Variants in RGS12 observed in about 807,000 individuals in gnomAD.
The protein encoded by RGS12 is regulator of G protein signaling 12, also known as regulator of G-protein signaling 12.
Under a neutral mutation model 120.1 loss-of-function variants are expected in RGS12, and 66 were observed. The observed-to-expected ratio is 0.55, with a 90% CI of 0.45 to 0.67. The LOEUF (loss-of-function observed/expected upper bound fraction) is 0.67, where lower values mean the gene tolerates loss of function less well. Ranked by LOEUF, RGS12 falls within the 30% of genes least tolerant of loss-of-function variation. The pLI is 0.00. For missense variants in RGS12, 1,859 were observed against 1,957.7 expected, an observed-to-expected ratio of 0.95 and a Z score of 0.95; for synonymous variants, 827 against 804.7, an observed-to-expected ratio of 1.03 and a Z score of -0.47.
chr4:3,425,203 G>A (rs1723481293), intron 13 of RGS12, among the ~76,000 whole-genome samples: 2 of 152,160 alleles, frequency 1.3e-5, no homozygotes, highest in Admixed American at 6.5e-5. Context: ...GAGGGTCAGT[G>A]TTCCCCTTGT....
At chr4:3,415,062 GA>G (rs1243103963) in intron 6 of RGS12, among the ~76,000 whole-genome samples, 5 of 148,806 alleles carry the variant, frequency 3.4e-5, no homozygotes, top group Admixed American at 6.7e-5. Context: ...ACCTGTGTGT[GA>G]GGGGCGTGTG....
At chr4:3,439,158 C>T (rs1385259818) in intron 17 of RGS12, among the ~76,000 whole-genome samples, 1 of 152,038 alleles carries the variant, frequency 6.6e-6, no homozygotes, top group Admixed American at 6.5e-5. Context: ...GCCGGGGGCC[C>T]AGCTCTGTTC....
intron 3 of RGS12, among the ~76,000 whole-genome samples, chr4:3,362,469 TGAGG>T (rs1715682398): frequency 7.7e-6 from 1 of 130,400 alleles, no homozygotes; most frequent in East Asian, 2.4e-4. Context: ...AGGGTGTGTG[TGAGG>T]GTGTGTGTAT....
intron 17 of RGS12, among the ~76,000 whole-genome samples, chr4:3,434,826 G>A (rs1001734338): frequency 6.6e-6 from 1 of 152,230 alleles, no homozygotes; most frequent in Non-Finnish European, 1.5e-5. Flanking sequence ...GGAGCTGGGT[G>A]GTCTCACTGC....
chr4:3,310,798 CG>C (rs1318469163), intron 1 of RGS12, among the ~76,000 whole-genome samples: 2 of 152,042 alleles, frequency 1.3e-5, no homozygotes, highest in Non-Finnish European at 2.9e-5. Flanking sequence ...CAGGCGCCTG[CG>C]GGGGCAGGTC....
intron 3 of RGS12, among the ~76,000 whole-genome samples, chr4:3,345,037 A>G (rs1713664836): frequency 1.3e-5 from 2 of 152,240 alleles, no homozygotes; most frequent in African/African-American, 2.4e-5. Context: ...AGGCATTGCA[A>G]TGAGAATATG....
intron 17 of RGS12, chr4:3,431,592 T>C: frequency 1.0e-6 from 1 of 985,520 alleles, no homozygotes; most frequent in Non-Finnish European, 1.2e-6. Context: ...GTGAACAGGA[T>C]GGCCTGGCAG....
At chr4:3,407,784 A>G (rs1325174023) in intron 4 of RGS12, among the ~76,000 whole-genome samples, 1 of 152,208 alleles carries the variant, frequency 6.6e-6, no homozygotes, top group Non-Finnish European at 1.5e-5. Flanking sequence ...TGAGATAACA[A>G]CGGGCCCGGG....
chr4:3,316,745 A>C lies in RGS12; in HGVS notation c.575A>C (p.Asn192Thr), dbSNP rs1421281381. ...GAAAGTATAAATAATCCAAATCCCA[A>C]CATGCTTTCTAAGGAGGAAATATCA... is the stretch of plus-strand genomic sequence containing the variant. ...GHESINNPNP[N>T]MLSKEEISKV... The change falls in exon 2 of 18, where the codon AAC becomes ACC. Residue 192 changes from asparagine (N) to threonine (T), a missense_variant. Around this residue, in one of 3 missense-constraint regions of RGS12, gnomAD observed 967 missense variants for 994.2 expected, o/e 0.97. Transcript: ENST00000336727. 6.2e-7 allele frequency: 1 copy of C among 1,614,244 alleles called. No individual in the cohort carries two copies. Among genetic ancestry groups the C allele is most frequent in the Non-Finnish European group, 8.5e-7 (1 of 1,180,048 alleles).
At chr4:3,423,423 G>T in intron 12 of RGS12, 92 bp from the exon 13 acceptor site, 1 of 1,533,008 alleles carries the variant, frequency 6.5e-7, no homozygotes, top group East Asian at 2.3e-5. Context: ...CCTTGAGGGC[G>T]GCCTGGGGCT....
At chr4:3,326,944 G>A (rs6841189) in intron 2 of RGS12, among the ~76,000 whole-genome samples, 5,972 of 152,136 alleles carry the variant, frequency 0.039, 308 homozygotes, top group African/African-American at 0.12. Context: ...AATTTTTCAC[G>A]GAAGTAGAAA....
rs1415185607 is a variant in RGS12, at chr4:3,437,391, C to T, written c.4115-2064C>T. Among the ~76,000 whole-genome samples, 3 of 152,186 alleles carry T rather than the reference C, an allele frequency of 2.0e-5. No individual in the cohort carries two copies. In the East Asian group the frequency reaches 5.8e-4, roughly 29 times the overall value. ...GGCGGGGTAGAGCCGGGCTTCTGGACATGTGTGGTGTTGCAGGCCCCTTCA... is the reference window on the plus strand; with the variant it reads ...GGCGGGGTAGAGCCGGGCTTCTGGATATGTGTGGTGTTGCAGGCCCCTTCA... On this transcript the variant is annotated intron_variant, in intron 17 of 17. Transcript: ENST00000336727.
rs190048216 is a variant in RGS12 at position 3,355,845 on chromosome 4, G to A, written c.1998+12792G>A. ...AAAAAGAAGAAAAAGAAATTCCAAA[G>A]TATCTGTAGATCAGTTATTAAAATG... On this transcript the variant is annotated intron_variant, in intron 3 of 17. Coordinates refer to ENST00000336727, the MANE Select transcript of RGS12 (RefSeq NM_001394154.1). 1.3e-3 allele frequency among the ~76,000 whole-genome samples: 170 copies of A among 135,674 alleles called. 1 individual carries two copies. Among genetic ancestry groups the A allele is most frequent in the African/African-American group, 4.4e-3 (164 of 36,968 alleles). 89.0% of individuals were successfully genotyped at this position (135,674 alleles called of 152,430 possible).
chr4:3,318,082 G>T, intron 2 of RGS12, 31 bp downstream of exon 2: 1 of 1,552,488 alleles, frequency 6.4e-7, no homozygotes, highest in South Asian at 1.2e-5. Context: ...TCAGCGCGGA[G>T]GCCCGGCCTC....
chr4:3,368,400 G>C (rs1716568659), intron 3 of RGS12, among the ~76,000 whole-genome samples: 1 of 148,116 alleles, frequency 6.8e-6, no homozygotes, highest in Admixed American at 6.7e-5. Flanking sequence ...TGTGTGTGGG[G>C]TGCCTGTGTG....
intron 3 of RGS12, among the ~76,000 whole-genome samples, chr4:3,351,158 G>A (rs1000887805): frequency 6.6e-6 from 1 of 151,882 alleles, no homozygotes; most frequent in Non-Finnish European, 1.5e-5. Context: ...TGAATTTAGG[G>A]TTGAATATTC....
Position 3,422,930 on chromosome 4 carries a change from G to C in RGS12, c.3059G>C (p.Ser1020Thr), listed in dbSNP as rs1373636085. The C allele has an allele frequency of 3.7e-6, 6 of 1,613,230 alleles. 1 individual carries two copies. The highest frequency in any genetic ancestry group is 1.6e-4 in the Middle Eastern group (1 of 6,062). Reference protein sequence around the residue: ...DKPLVLHQDSSILESRDLRLE... With the variant: ...DKPLVLHQDSTILESRDLRLE... ...CCTCTGGTGCTGCACCAAGACAGTA[G>C]CATCTTGGAGTCAAGGGACCTGCGC... is the stretch of plus-strand genomic sequence containing the variant. The change falls in exon 12 of 18, where the codon AGC (serine) becomes ACC (threonine). Residue 1020 changes from serine to threonine, a missense_variant. Ser to Thr is a moderately conservative substitution (Grantham distance 58). Around this residue, in one of 3 missense-constraint regions of RGS12, gnomAD observed 375 missense variants for 475.0 expected, o/e 0.79. Coordinates refer to ENST00000336727, the MANE Select transcript of RGS12 (RefSeq NM_001394154.1).
chr4:3,431,466 GC>G, intron 17 of RGS12: 3 of 988,714 alleles, frequency 3.0e-6, no homozygotes, highest in Non-Finnish European at 3.6e-6. Context: ...CCCACCGGCG[GC>G]CCCCGTAGCA....
At chr4:3,362,672 TGTGAGG>T (rs1181532750) in intron 3 of RGS12, among the ~76,000 whole-genome samples, 3 of 126,388 alleles carry the variant, frequency 2.4e-5, no homozygotes, top group Non-Finnish European at 4.9e-5. Context: ...TGAGGCTGAG[TGTGAGG>T]GTGAGGGTGT....
Sources: gnomAD v4.1 joint callset for allele counts (sites outside exome capture counted in the v4.1 genomes callset) on GRCh38, gnomAD v4.1.1 for gene constraint, gnomAD v4.1.1 regional missense constraint, MANE v1.5 for transcripts, NCBI Gene and HGNC (gene_info 2026-07-23, HGNC 2026-07-21) for gene names.